Variants in CSMD1 observed in about 807,000 individuals in gnomAD.
CSMD1 encodes the protein CUB and sushi domain-containing protein 1.
Under a neutral mutation model 417.5 loss-of-function variants are expected in CSMD1, and 213 were observed. That is an observed-to-expected ratio of 0.51 (90% CI 0.46 to 0.57). The LOEUF is 0.57. Ranked by LOEUF, CSMD1 falls within the 20% of genes least tolerant of loss-of-function variation. The pLI, the probability that CSMD1 is intolerant of heterozygous loss-of-function variation, is 0.00. For synonymous variants in CSMD1, 2,862 were observed against 1,736.8 expected (o/e 1.65, Z -16.11); for missense variants, 6,923 against 4,529.7 (o/e 1.53, Z -15.17).
chr8:4,360,395 C>A (rs10503258), intron 3 of CSMD1, among the ~76,000 whole-genome samples: 3,247 of 152,252 alleles, frequency 0.021, 49 homozygotes, highest in Admixed American at 0.03. Flanking sequence ...CTGCAAACTC[C>A]ATCTATAAAA....
At chr8:3,175,483 T>TCCTTCTTTCCTTCCTTCCTGCCTGCCTG (rs1182066839) in intron 37 of CSMD1, among the ~76,000 whole-genome samples, 1 of 121,588 alleles carries the variant, frequency 8.2e-6, no homozygotes, top group Non-Finnish European at 1.7e-5. Flanking sequence ...TTCCCTTCCT[T>TCCTTCTTTCCTTCCTTCCTGCCTGCCTG]CCTGCCTGCC....
chr8:3,488,163 G>C (rs115516210), intron 11 of CSMD1, among the ~76,000 whole-genome samples: 3,316 of 151,650 alleles, frequency 0.022, 112 homozygotes, highest in African/African-American at 0.074. Context: ...AGTGCAGTGG[G>C]GTCATCATAG....
At chr8:3,022,447 G>A (rs546749284) in intron 51 of CSMD1, among the ~76,000 whole-genome samples, 3 of 152,254 alleles carry the variant, frequency 2.0e-5, no homozygotes, top group Admixed American at 1.3e-4. Context: ...CTGTCCCTGG[G>A]GATTCCAAGC....
At chr8:3,413,576 G>C (rs1440975700) in intron 12 of CSMD1, among the ~76,000 whole-genome samples, 1 of 152,218 alleles carries the variant, frequency 6.6e-6, no homozygotes, top group Non-Finnish European at 1.5e-5. Flanking sequence ...TAGAAGAAAT[G>C]TAAGCATGTT....
At chr8:3,718,568 A>G (rs75718111) in intron 6 of CSMD1, among the ~76,000 whole-genome samples, 76 of 152,318 alleles carry the variant, frequency 5.0e-4, no homozygotes, top group Non-Finnish European at 7.5e-4. Context: ...GTCGCTTAAT[A>G]GCAGCACTAA....
At chr8:4,076,456 T>C (rs1799826694) in intron 3 of CSMD1, among the ~76,000 whole-genome samples, 1 of 152,190 alleles carries the variant, frequency 6.6e-6, no homozygotes, top group South Asian at 2.1e-4. Context: ...ATATTTTAAC[T>C]GTAATAGTGA....
At chr8:4,385,262 T>C (rs1243898095) in intron 3 of CSMD1, among the ~76,000 whole-genome samples, 2 of 152,330 alleles carry the variant, frequency 1.3e-5, no homozygotes, top group Admixed American at 1.3e-4. Flanking sequence ...TGTTTGATGT[T>C]TATTCATCAG....
intron 3 of CSMD1, among the ~76,000 whole-genome samples, chr8:4,388,537 T>C (rs1803625628): frequency 6.6e-6 from 1 of 151,058 alleles, no homozygotes; most frequent in Non-Finnish European, 1.5e-5. Flanking sequence ...ATACAGTGGA[T>C]TTTGGGGACT....
intron 29 of CSMD1, among the ~76,000 whole-genome samples, chr8:3,217,695 T>C (rs1797959667): frequency 1.3e-5 from 2 of 152,160 alleles, no homozygotes; most frequent in African/African-American, 4.8e-5. Flanking sequence ...CATAGGATAC[T>C]CTGATTGCTA....
intron 3 of CSMD1, among the ~76,000 whole-genome samples, chr8:4,182,129 G>C (rs879681226): frequency 2.0e-5 from 3 of 151,752 alleles, no homozygotes; most frequent in South Asian, 2.1e-4. Context: ...CACACCAAAA[G>C]AAGACAGAAC....
At chr8:4,404,188 C>G (rs1804851886) in intron 3 of CSMD1, among the ~76,000 whole-genome samples, 1 of 152,138 alleles carries the variant, frequency 6.6e-6, no homozygotes, top group Non-Finnish European at 1.5e-5. Context: ...GAAACTCAAC[C>G]TATAGCCTGA....
intron 1 of CSMD1, among the ~76,000 whole-genome samples, chr8:4,707,171 C>G (rs1807997184): frequency 6.6e-6 from 1 of 152,164 alleles, no homozygotes. Context: ...TAATAACTTC[C>G]TCTTATTGAA....
intron 5 of CSMD1, among the ~76,000 whole-genome samples, chr8:3,790,887 T>C (rs1799699664): frequency 6.6e-6 from 1 of 152,172 alleles, no homozygotes; most frequent in South Asian, 2.1e-4. Context: ...AAACTGTCGC[T>C]AATGAATGGA....
At chr8:4,048,823 T>A (rs1563363536) in intron 3 of CSMD1, among the ~76,000 whole-genome samples, 1 of 152,232 alleles carries the variant, frequency 6.6e-6, no homozygotes, top group Non-Finnish European at 1.5e-5. Flanking sequence ...CTTTATTCAC[T>A]CAATAGTACA....
intron 8 of CSMD1, among the ~76,000 whole-genome samples, chr8:3,596,993 G>A (rs985544555): frequency 1.3e-5 from 2 of 152,108 alleles, no homozygotes; most frequent in Admixed American, 6.5e-5. Flanking sequence ...CTCTGTTTCT[G>A]TGGCCATGAA....
chr8:3,468,412 T>G (rs111799348), intron 12 of CSMD1, among the ~76,000 whole-genome samples: 3 of 152,166 alleles, frequency 2.0e-5, no homozygotes, highest in Non-Finnish European at 4.4e-5. Flanking sequence ...CCAGCCAATA[T>G]GATATGGTCA....
chr8:3,843,251 A>G (rs1029772753), intron 5 of CSMD1, among the ~76,000 whole-genome samples: 3 of 152,186 alleles, frequency 2.0e-5, no homozygotes, highest in African/African-American at 7.2e-5. Context: ...CTGCTGATAA[A>G]CTACTCCACT....
chr8:4,446,104 A>T (rs190244627), intron 2 of CSMD1, among the ~76,000 whole-genome samples: 5 of 152,306 alleles, frequency 3.3e-5, no homozygotes, highest in Admixed American at 3.3e-4. Context: ...TGTAGACAGC[A>T]AGTTGTGATT....
At chr8:3,770,990 T>TTC (rs147124793) in intron 5 of CSMD1, among the ~76,000 whole-genome samples, 122 of 145,496 alleles carry the variant, frequency 8.4e-4, no homozygotes, top group Non-Finnish European at 1.5e-3. Context: ...TTTGGACAGT[T>TTC]TCTCTCTCTC....
Sources: gnomAD v4.1 joint callset for allele counts (sites outside exome capture counted in the v4.1 genomes callset) on GRCh38, gnomAD v4.1.1 for gene constraint, MANE v1.5 for transcripts, NCBI Gene and HGNC (gene_info 2026-07-23, HGNC 2026-07-21) for gene names.